The following COPG1 variants were observed in gnomAD, a reference collection of about 807,000 sequenced individuals.
COPG1 encodes the protein coatomer subunit gamma-1.
A neutral mutation model predicts 102.8 loss-of-function variants in COPG1; 29 were observed. The observed-to-expected ratio is 0.28, with a 90% CI of 0.21 to 0.38. The LOEUF (loss-of-function observed/expected upper bound fraction) is 0.38. Ranked by LOEUF, COPG1 falls within the 10% of genes least tolerant of loss-of-function variation. The probability of loss-of-function intolerance (pLI) is 1.00; values close to 1 mark genes in which losing one functional copy is unlikely to be tolerated. For missense variants in COPG1, 875 were observed against 1,132.7 expected (o/e 0.77, Z 3.27); for synonymous variants, 406 against 421.6 (o/e 0.96, Z 0.45).
chr3:129,277,600 AC>A lies in COPG1; in HGVS notation c.*177del. 18 of 371,636 alleles carry A rather than the reference AC, an allele frequency of 4.8e-5. No individual in the cohort carries two copies. The highest frequency in any genetic ancestry group is 1.4e-4 in the Admixed American group (3 of 21,232). The allele number at this position is 371,636 out of a possible 1,614,324, so 23.0% of individuals were successfully genotyped here. ...TCCCACCCGGGACTACTTGCTGGTG[AC>A]TTTTTTTTTTTTTTTTTTTAAATAG... On this transcript the variant is annotated 3_prime_UTR_variant, in exon 24 of 24. Coordinates refer to ENST00000314797, the MANE Select transcript of COPG1 (RefSeq NM_016128.4).
chr3:129,268,630 A>T lies in COPG1; in HGVS notation c.1774+10A>T. 1.9e-6 allele frequency: 3 copies of T among 1,613,658 alleles called. No individual in the cohort carries two copies. Among genetic ancestry groups the T allele is most frequent in the Non-Finnish European group, 2.5e-6 (3 of 1,179,826 alleles). The stretch of plus-strand genomic sequence containing the variant: ...GCAGAGCAGAGAACAGGTAACACTT[A>T]TACTCCTCCCAGAGGCCATCAAGGC... On this transcript the variant is annotated intron_variant, in intron 17 of 23. Transcript: ENST00000314797.
chr3:129,267,424 G>A (rs543169881), intron 15 of COPG1, among the ~76,000 whole-genome samples: 171 of 152,238 alleles, frequency 1.1e-3, no homozygotes, highest in Middle Eastern at 3.4e-3. Context: ...GATTGAGACC[G>A]TCCTGGCTAA....
intron 1 of COPG1, among the ~76,000 whole-genome samples, chr3:129,249,968 C>A (rs1349594508): frequency 3.2e-5 from 4 of 126,272 alleles, no homozygotes; most frequent in Non-Finnish European, 6.4e-5. Context: ...TTGGGCGCGA[C>A]AAACACCCCC....
intron 5 of COPG1, among the ~76,000 whole-genome samples, chr3:129,253,735 A>T (rs1443585372): frequency 6.6e-6 from 1 of 152,224 alleles, no homozygotes; most frequent in East Asian, 1.9e-4. Context: ...CTGTAATCCC[A>T]GCACTGTATC....
intron 18 of COPG1, among the ~76,000 whole-genome samples, chr3:129,269,296 A>C (rs1458229683): frequency 6.6e-6 from 1 of 152,194 alleles, no homozygotes; most frequent in Non-Finnish European, 1.5e-5. Flanking sequence ...AGCCCAGGCC[A>C]GTTCAGAATG....
At chr3:129,259,042 G>A (rs1363205355) in intron 10 of COPG1, among the ~76,000 whole-genome samples, 2 of 152,188 alleles carry the variant, frequency 1.3e-5, no homozygotes, top group African/African-American at 2.4e-5. Context: ...TAGATTTGCA[G>A]GTTTTGAGAA....
rs574991282 is a variant in COPG1 at position 129,271,495 on chromosome 3, T to G, written c.1844-272T>G. Among the ~76,000 whole-genome samples the G allele has an allele frequency of 6.6e-6, 1 of 152,322 alleles. No individual in the cohort carries two copies. The highest frequency in any genetic ancestry group is 2.4e-5 in the African/African-American group (1 of 41,576). ...TTCTCCAATTAGGTCTAGGATTTTG[T>G]GGTCTCATATCAGTTTTTTGCTTCT... is the stretch of plus-strand genomic sequence containing the variant. On this transcript the variant is annotated intron_variant, in intron 18 of 23. Transcript: ENST00000314797. This position sits in a 1 kb window ranked among gnomAD's most constrained non-coding sequence, Gnocchi z 4.7.
rs1351860551 is a variant in COPG1 at position 129,265,641 on chromosome 3, GTGCGAGTTCATCGAGGAC to G, written c.1328_1345del (p.Ile443_Phe448del). On this transcript the variant is annotated inframe_deletion, in exon 14 of 24. Transcript: ENST00000314797. ...GCAAGGAGACAGGGCTGTCACATCT[GTGCGAGTTCATCGAGGAC>G]TGCGAGTTCACAGTGCTGGCCACCC... 6.2e-7 allele frequency: 1 copy of G among 1,614,090 alleles called. No individual in the cohort carries two copies. The highest frequency in any genetic ancestry group is 1.3e-5 in the African/African-American group (1 of 74,922).
At chr3:129,277,209 C>A in intron 23 of COPG1, 85 bp from the exon 24 acceptor site, 1 of 1,436,260 alleles carries the variant, frequency 7.0e-7, no homozygotes, top group South Asian at 1.2e-5. Context: ...GAGCTGCCTT[C>A]ATGGGTTGCT....
chr3:129,250,669 T>C lies in COPG1; in HGVS notation c.38-13T>C. ...GAGTCACAACCTACCTTCTCCATTG[T>C]CCTTGACCGTAGGTGGAGGCTCCAA... On this transcript the variant is annotated splice_polypyrimidine_tract_variant and intron_variant, in intron 1 of 23. Transcript: ENST00000314797. The C allele has an allele frequency of 1.2e-6, 2 of 1,613,054 alleles. No homozygotes were observed. The highest frequency in any genetic ancestry group is 1.7e-6 in the Non-Finnish European group (2 of 1,179,038).
rs143914831 is a variant in COPG1 at position 129,277,542 on chromosome 3, T to A, written c.*118T>A. On this transcript the variant is annotated 3_prime_UTR_variant, in exon 24 of 24. Coordinates refer to ENST00000314797, the MANE Select transcript of COPG1 (RefSeq NM_016128.4). ...TTCTGTATTGAAAAACAATTAGGAA[T>A]CATTGCAGATTTTTTTTTATTCTGC... 2.0e-3 allele frequency: 2,229 copies of A among 1,098,480 alleles called. 6 individuals carry two copies. The highest frequency in any genetic ancestry group is 2.5e-3 in the Non-Finnish European group (1,990 of 787,176). The allele number at this position is 1,098,480 out of a possible 1,614,324, so 68.0% of individuals were successfully genotyped here.
chr3:129,253,410 G>A (rs1215441141), intron 5 of COPG1, among the ~76,000 whole-genome samples: 1 of 152,128 alleles, frequency 6.6e-6, no homozygotes, highest in African/African-American at 2.4e-5. Flanking sequence ...AGGTTGTGGG[G>A]GTCATACATT....
chr3:129,255,104 T>G, intron 7 of COPG1, 27 bp downstream of exon 7: 20 of 1,492,068 alleles, frequency 1.3e-5, no homozygotes, highest in Non-Finnish European at 1.8e-5. Context: ...GGAGCCCTGC[T>G]GGGGGTGGGG....
In COPG1 at chr3:129,275,040, G is replaced by A. The variant is rs77501916; in HGVS notation, c.2395+64G>A. ...TTCAAGATCTTTGGCTACTATTGAAGTGCTCATCCCTTTTCTCTCCAAGGA... is the reference window on the plus strand; with the variant it reads ...TTCAAGATCTTTGGCTACTATTGAAATGCTCATCCCTTTTCTCTCCAAGGA... On this transcript the variant is annotated intron_variant, in intron 22 of 23. Coordinates refer to ENST00000314797, the MANE Select transcript of COPG1 (RefSeq NM_016128.4). This position sits in a 1 kb window ranked among gnomAD's most constrained non-coding sequence, Gnocchi z 5.0. 1.6e-3 allele frequency: 2,599 copies of A among 1,580,596 alleles called. 36 individuals are homozygous for A. In the African/African-American group the frequency reaches 0.031, roughly 19 times the overall value.
chr3:129,275,431 G>A lies in COPG1; in HGVS notation c.2494+139G>A. 1 of 636,436 alleles carries A rather than the reference G, an allele frequency of 1.6e-6. No individual in the cohort carries two copies. The allele number at this position is 636,436 out of a possible 1,614,324, so 39.4% of individuals were successfully genotyped here. ...AAATTCACAAAGTATAAAATAATCT[G>A]CAGCGAAATGTTTCCTCCCTACCTT... On this transcript the variant is annotated intron_variant, in intron 23 of 23. Transcript: ENST00000314797. This position sits in a 1 kb window ranked among gnomAD's most constrained non-coding sequence, Gnocchi z 5.0.
At chr3:129,255,671 C>T (rs367639753) in intron 7 of COPG1, among the ~76,000 whole-genome samples, 3 of 150,512 alleles carry the variant, frequency 2.0e-5, no homozygotes, top group African/African-American at 2.5e-5. Context: ...TTGGTAGAGA[C>T]GTAGTTTCAC....
chr3:129,268,825 T>C (rs1940122405), intron 17 of COPG1, 107 bp from the exon 18 acceptor site: 9 of 1,191,956 alleles, frequency 7.6e-6, no homozygotes, highest in Non-Finnish European at 1.0e-5. Flanking sequence ...CTTCCCACTC[T>C]CAGGAGGGTT....
chr3:129,274,469 C>T (rs551506395), intron 21 of COPG1, among the ~76,000 whole-genome samples: 1 of 152,226 alleles, frequency 6.6e-6, no homozygotes, highest in African/African-American at 2.4e-5. Flanking sequence ...TCATCATCCC[C>T]TAGGAGGGAC....
Position 129,255,640 on chromosome 3 carries a change from G to A in COPG1, c.493-428G>A, listed in dbSNP as rs374096114. On this transcript the variant is annotated intron_variant, in intron 7 of 23. Transcript: ENST00000314797. ...TGAGATTGCAGGTGTGCACCACCAC[G>A]CCCAACTGATTTTTGTATTTTTGGT... is the stretch of plus-strand genomic sequence containing the variant. Among the ~76,000 whole-genome samples the A allele has an allele frequency of 7.2e-4, 109 of 151,642 alleles. 2 individuals carry two copies. The East Asian group carries it at 0.013, about 18-fold the overall frequency.
Sources: gnomAD v4.1 joint callset for allele counts (sites outside exome capture counted in the v4.1 genomes callset) on GRCh38, gnomAD v4.1.1 for gene constraint, Gnocchi (gnomAD v3.1) non-coding constraint, MANE v1.5 for transcripts, NCBI Gene and HGNC (gene_info 2026-07-23, HGNC 2026-07-21) for gene names.